MAF: variants seen among roughly 807,000 people sequenced by gnomAD.
MAF encodes the protein MAF bZIP transcription factor, also known as transcription factor Maf.
A neutral mutation model predicts 22.0 loss-of-function variants in MAF; 10 were observed. The ratio of observed to expected loss-of-function variants is 0.45; its 90% confidence interval spans 0.28 to 0.77. The LOEUF is 0.77. Among genes scored for constraint, MAF ranks in the 30% least tolerant of loss-of-function variants. The pLI is 0.12. For missense variants in MAF, 544 were observed against 548.4 expected (o/e 0.99, Z 0.08); for synonymous variants, 337 against 255.8 (o/e 1.32, Z -3.03).
the MAF span, among the ~76,000 whole-genome samples, chr16:79,292,654 G>A: frequency 2.0e-5 from 3 of 152,124 alleles, no homozygotes; most frequent in African/African-American, 4.8e-5. Context: ...CTATGGGGCT[G>A]CATTCCCGGG....
At chr16:79,572,463 C>T in the MAF span, among the ~76,000 whole-genome samples, 1 of 152,212 alleles carries the variant, frequency 6.6e-6, no homozygotes, top group Non-Finnish European at 1.5e-5. Context: ...CAATACCGGC[C>T]TTAATTCAAT....
At chr16:79,211,224 G>GAATT in the MAF span, among the ~76,000 whole-genome samples, 1 of 152,082 alleles carries the variant, frequency 6.6e-6, no homozygotes, top group Non-Finnish European at 1.5e-5. Context: ...ATTTGGTATC[G>GAATT]AATTACATTA....
chr16:79,486,646 T>C, the MAF span, among the ~76,000 whole-genome samples: 1 of 152,246 alleles, frequency 6.6e-6, no homozygotes, highest in Non-Finnish European at 1.5e-5. Context: ...GACTTACCAG[T>C]GCCTTTAATG....
At chr16:79,254,635 A>G in the MAF span, among the ~76,000 whole-genome samples, 1 of 152,334 alleles carries the variant, frequency 6.6e-6, no homozygotes, top group East Asian at 1.9e-4. Context: ...GACTGCTACT[A>G]TTGACTTTCT....
chr16:79,258,540 C>G, the MAF span, among the ~76,000 whole-genome samples: 1 of 152,192 alleles, frequency 6.6e-6, no homozygotes, highest in South Asian at 2.1e-4. Flanking sequence ...TCTTCTCCAG[C>G]CTGTTTGTTC....
chr16:79,208,725 TCTG>T, the MAF span, among the ~76,000 whole-genome samples: 1 of 152,164 alleles, frequency 6.6e-6, no homozygotes, highest in Non-Finnish European at 1.5e-5. Context: ...TCAGTCTTAT[TCTG>T]ATGATATGTA....
chr16:79,479,741 A>G, the MAF span, among the ~76,000 whole-genome samples: 1 of 152,244 alleles, frequency 6.6e-6, no homozygotes, highest in Non-Finnish European at 1.5e-5. Context: ...CCAGACTACT[A>G]CGTGCTAAGG....
the MAF span, among the ~76,000 whole-genome samples, chr16:79,271,974 T>G: frequency 2.0e-5 from 3 of 152,294 alleles, no homozygotes; most frequent in South Asian, 6.2e-4. Flanking sequence ...AAGAGGGATT[T>G]TTCTGCCTGT....
chr16:79,436,938 T>C, the MAF span, among the ~76,000 whole-genome samples: 4 of 152,206 alleles, frequency 2.6e-5, no homozygotes. Context: ...GCCTGTTTTC[T>C]AAATGGCTGA....
Position 79,599,602 on chromosome 16 carries a change from G to A in MAF, c.301C>T (p.Leu101=). ...YYWMTGYPQQ[L]NPEALGFSPE... ...CTGAAGCCCAGCGCCTCGGGGTTCA[G>A]CTGCTGCGGGTAGCCGGTCATCCAG... Residue 101 remains leucine, a synonymous_variant, in exon 1 of 2, where the codon CTG becomes TTG. Coordinates refer to ENST00000326043, the MANE Select transcript of MAF (RefSeq NM_005360.5). 1 of 1,609,564 alleles carries A rather than the reference G, an allele frequency of 6.2e-7. No homozygotes were observed. Among genetic ancestry groups the A allele is most frequent in the Non-Finnish European group, 8.5e-7 (1 of 1,178,740 alleles).
chr16:79,357,559 C>T, the MAF span, among the ~76,000 whole-genome samples: 2 of 152,194 alleles, frequency 1.3e-5, no homozygotes, highest in Non-Finnish European at 2.9e-5. Context: ...CCTCACTGCA[C>T]TTTGCATCCG....
At chr16:79,513,820 A>G in the MAF span, among the ~76,000 whole-genome samples, 4 of 152,276 alleles carry the variant, frequency 2.6e-5, no homozygotes, top group African/African-American at 9.6e-5. Flanking sequence ...TTTCCAACCC[A>G]GTGAAGGCTG....
the MAF span, among the ~76,000 whole-genome samples, chr16:79,362,619 A>G: frequency 6.6e-6 from 1 of 152,242 alleles, no homozygotes; most frequent in Admixed American, 6.5e-5. Flanking sequence ...AAAACGGAAT[A>G]TTCTGAAAGA....
chr16:79,248,467 T>C, the MAF span, among the ~76,000 whole-genome samples: 6 of 152,214 alleles, frequency 3.9e-5, no homozygotes, highest in African/African-American at 9.6e-5. Context: ...TACAGTCAAA[T>C]CCTTTCATAG....
chr16:79,460,932 T>G, the MAF span, among the ~76,000 whole-genome samples: 88 of 152,312 alleles, frequency 5.8e-4, no homozygotes, highest in African/African-American at 1.6e-3. Context: ...TTTTCTTTCT[T>G]TCTTTTTCAG....
the MAF span, among the ~76,000 whole-genome samples, chr16:79,438,635 G>C: frequency 1.3e-5 from 2 of 152,152 alleles, no homozygotes; most frequent in African/African-American, 2.4e-5. Flanking sequence ...GGAGCTCAGA[G>C]AGGGCGGATC....
At chr16:79,549,096 G>A in the MAF span, among the ~76,000 whole-genome samples, 3 of 152,242 alleles carry the variant, frequency 2.0e-5, no homozygotes, top group Admixed American at 1.3e-4. Context: ...AAGGATAGTT[G>A]CAAGGATTAA....
chr16:79,514,183 T>C, the MAF span, among the ~76,000 whole-genome samples: 3 of 152,352 alleles, frequency 2.0e-5, no homozygotes, highest in Admixed American at 6.5e-5. Context: ...TTCCGGCTTG[T>C]TGGAGAAAAG....
chr16:79,585,723 C>G, downstream of MAF: 1 of 558,364 alleles, frequency 1.8e-6, no homozygotes, highest in Non-Finnish European at 3.1e-6. Flanking sequence ...ACACGTGAAA[C>G]CCAAATACTA....
Sources: gnomAD v4.1 joint callset for allele counts (sites outside exome capture counted in the v4.1 genomes callset) on GRCh38, gnomAD v4.1.1 for gene constraint, MANE v1.5 for transcripts, NCBI Gene and HGNC (gene_info 2026-07-23, HGNC 2026-07-21) for gene names.